KCTD16: variants seen among roughly 807,000 people sequenced by gnomAD.
KCTD16 encodes the protein potassium channel tetramerization domain containing 16.
KCTD16 carries 13 observed loss-of-function variants against 33.2 expected under a neutral mutation model. That is an observed-to-expected ratio of 0.39 (90% confidence interval 0.25 to 0.62). The LOEUF (loss-of-function observed/expected upper bound fraction) is 0.62, where lower values mean the gene tolerates loss of function less well. KCTD16 is among the 20% of genes least tolerant of loss of function. The pLI is 0.50. For synonymous variants in KCTD16, 197 were observed against 195.3 expected, an observed-to-expected ratio of 1.01 and a Z score of -0.07; for missense variants, 441 against 525.1, an observed-to-expected ratio of 0.84 and a Z score of 1.57.
At chr5:144,442,141 G>A (rs1411617361) in intron 3 of KCTD16, among the ~76,000 whole-genome samples, 1 of 152,072 alleles carries the variant, frequency 6.6e-6, no homozygotes, top group Non-Finnish European at 1.5e-5. Context: ...ATTGCTAGTA[G>A]TATTGGTTTT....
At chr5:144,315,560 A>G (rs1230771108) in intron 3 of KCTD16, among the ~76,000 whole-genome samples, 1 of 152,192 alleles carries the variant, frequency 6.6e-6, no homozygotes, top group Non-Finnish European at 1.5e-5. Flanking sequence ...TCAAAATAAC[A>G]TCTTTAAGTG....
intron 3 of KCTD16, among the ~76,000 whole-genome samples, chr5:144,435,832 T>A (rs77166892): frequency 0.05 from 7,548 of 151,608 alleles, 634 homozygotes; most frequent in African/African-American, 0.17. Context: ...CCTGTGTGTG[T>A]GTGTGTGTGT....
chr5:144,202,657 C>A (rs73792193), intron 2 of KCTD16, among the ~76,000 whole-genome samples: 19 of 152,266 alleles, frequency 1.2e-4, no homozygotes, highest in African/African-American at 4.3e-4. Context: ...ATAGAGTTAG[C>A]AAAGCAAGTG....
At chr5:144,238,030 A>G (rs776228801) in intron 3 of KCTD16, among the ~76,000 whole-genome samples, 1 of 152,158 alleles carries the variant, frequency 6.6e-6, no homozygotes, top group Non-Finnish European at 1.5e-5. Flanking sequence ...CATTTTTCCC[A>G]CATGGGGAAA....
At position 144,468,199 on chromosome 5, in the gene KCTD16, A is replaced by G. The variant is rs1395739118; in HGVS notation, c.833-5461A>G. 2.0e-5 allele frequency among the ~76,000 whole-genome samples: 3 copies of G among 152,152 alleles called. 1 individual carries two copies. The highest frequency in any genetic ancestry group is 2.0e-4 in the Admixed American group (3 of 15,274). ...CTCCTCTAAGCTTTTAGGTTCTAAT[A>G]ACTGCATTTTCTTTTACTTGTCTCC... On this transcript the variant is annotated intron_variant, in intron 3 of 3. Transcript: ENST00000512467.
intron 3 of KCTD16, among the ~76,000 whole-genome samples, chr5:144,235,991 G>A (rs1445471678): frequency 6.6e-6 from 1 of 152,108 alleles, no homozygotes; most frequent in Non-Finnish European, 1.5e-5. Context: ...CATTGTCAGT[G>A]TATGAAGTCT....
intron 3 of KCTD16, among the ~76,000 whole-genome samples, chr5:144,290,931 T>G (rs1755880095): frequency 6.6e-6 from 1 of 152,228 alleles, no homozygotes; most frequent in Non-Finnish European, 1.5e-5. Flanking sequence ...ATTAACTTAT[T>G]TATAACCTTC....
chr5:144,256,854 G>A (rs987284611), intron 3 of KCTD16, among the ~76,000 whole-genome samples: 1 of 151,950 alleles, frequency 6.6e-6, no homozygotes, highest in Admixed American at 6.6e-5. Flanking sequence ...ATTATATATT[G>A]GGTAGAGGAC....
In KCTD16 at chr5:144,472,922, T is replaced by G. The variant is rs545723334; in HGVS notation, c.833-738T>G. 7.2e-5 allele frequency among the ~76,000 whole-genome samples: 11 copies of G among 152,368 alleles called. 1 individual carries two copies. The East Asian group carries it at 1.7e-3, about 24-fold the overall frequency. On this transcript the variant is annotated intron_variant, in intron 3 of 3. Transcript: ENST00000512467. ...ATAAAATGGTTAATTGGCATGGTTATGGCCCTTGCAAGATCTGTATTCAAA... is the reference window on the plus strand; with the variant it reads ...ATAAAATGGTTAATTGGCATGGTTAGGGCCCTTGCAAGATCTGTATTCAAA...
chr5:144,364,659 T>C (rs1326237090), intron 3 of KCTD16, among the ~76,000 whole-genome samples: 1 of 152,228 alleles, frequency 6.6e-6, no homozygotes, highest in Non-Finnish European at 1.5e-5. Flanking sequence ...CAGATAACCA[T>C]GTACTGCAAT....
intron 3 of KCTD16, among the ~76,000 whole-genome samples, chr5:144,296,597 A>G (rs954941561): frequency 2.0e-5 from 3 of 152,176 alleles, no homozygotes; most frequent in Non-Finnish European, 4.4e-5. Flanking sequence ...TATTTGGAGA[A>G]CTTCACTGTA....
intron 3 of KCTD16, among the ~76,000 whole-genome samples, chr5:144,366,589 C>A (rs890492766): frequency 6.6e-6 from 1 of 152,172 alleles, no homozygotes; most frequent in Admixed American, 6.6e-5. Context: ...TATGAAGCTT[C>A]AAGATGCTGC....
At chr5:144,360,030 T>G (rs908996992) in intron 3 of KCTD16, among the ~76,000 whole-genome samples, 2 of 152,160 alleles carry the variant, frequency 1.3e-5, no homozygotes, top group African/African-American at 4.8e-5. Flanking sequence ...ATCCCTTACC[T>G]TCAATGAAAA....
chr5:144,390,691 G>A (rs972071749), intron 3 of KCTD16, among the ~76,000 whole-genome samples: 22 of 151,414 alleles, frequency 1.5e-4, no homozygotes, highest in African/African-American at 4.9e-4. Flanking sequence ...CCCTACCCCC[G>A]ACGGGCCCCG....
intron 3 of KCTD16, among the ~76,000 whole-genome samples, chr5:144,297,107 A>T (rs1039922840): frequency 6.6e-6 from 1 of 152,234 alleles, no homozygotes; most frequent in African/African-American, 2.4e-5. Flanking sequence ...AATCTGGAAG[A>T]TGCTATTAGA....
intron 3 of KCTD16, among the ~76,000 whole-genome samples, chr5:144,396,556 T>G (rs1752571040): frequency 6.6e-6 from 1 of 152,188 alleles, no homozygotes; most frequent in South Asian, 2.1e-4. Context: ...CTGATATTTT[T>G]CCTACTTAGA....
At chr5:144,325,134 A>T (rs578230693) in intron 3 of KCTD16, among the ~76,000 whole-genome samples, 1 of 152,334 alleles carries the variant, frequency 6.6e-6, no homozygotes, top group South Asian at 2.1e-4. Flanking sequence ...GCAACGAAAG[A>T]GTTTTATAGG....
At position 144,360,876 on chromosome 5, in the gene KCTD16, CT is replaced by C. The variant is rs199956652; in HGVS notation, c.833-112775del. Among the ~76,000 whole-genome samples, 270 of 150,882 alleles carry C rather than the reference CT, an allele frequency of 1.8e-3. 6 individuals are homozygous for C. The East Asian group carries it at 0.034, about 19-fold the overall frequency. ...GCAATAAACACATGTGTACCTCTGT[CT>C]TTTTTTTTATTTTTTTTGGAAGTTT... On this transcript the variant is annotated intron_variant, in intron 3 of 3. Coordinates refer to ENST00000512467, the MANE Select transcript of KCTD16 (RefSeq NM_020768.4).
At chr5:144,230,438 A>C (rs1157869066) in intron 3 of KCTD16, among the ~76,000 whole-genome samples, 1 of 152,202 alleles carries the variant, frequency 6.6e-6, no homozygotes, top group South Asian at 2.1e-4. Context: ...GGCATGCTGA[A>C]AGGTGTGAAT....
Sources: gnomAD v4.1 joint callset for allele counts (sites outside exome capture counted in the v4.1 genomes callset) on GRCh38, gnomAD v4.1.1 for gene constraint, MANE v1.5 for transcripts, NCBI Gene and HGNC (gene_info 2026-07-23, HGNC 2026-07-21) for gene names.